The following PDE8B variants were observed in gnomAD, a reference collection of about 807,000 sequenced individuals.
The protein encoded by PDE8B is high affinity cAMP-specific and IBMX-insensitive 3',5'-cyclic phosphodiesterase 8B.
In PDE8B, 26 loss-of-function variants were observed where a neutral mutation model predicts 101.3. The observed-to-expected ratio is 0.26, with a 90% CI of 0.19 to 0.36. The LOEUF is 0.36. Among genes scored for constraint, PDE8B ranks in the 10% least tolerant of loss-of-function variants. PDE8B has a pLI of 1.00. For synonymous variants in PDE8B, 424 were observed against 429.3 expected (o/e 0.99, Z 0.15); for missense variants, 810 against 1,163.1 (o/e 0.70, Z 4.42).
chr5:77,129,762 G>A, the PDE8B span, among the ~76,000 whole-genome samples: 3 of 152,114 alleles, frequency 2.0e-5, no homozygotes, highest in Admixed American at 1.3e-4. Flanking sequence ...ACTAGCTCTG[G>A]CATTACTGTC....
rs534914962 is a variant in PDE8B, at chr5:77,306,090, G to T, written c.340-5904G>T. Among the ~76,000 whole-genome samples the T allele has an allele frequency of 2.0e-5, 3 of 152,062 alleles. No individual in the cohort carries two copies. The East Asian group carries it at 5.8e-4, about 29-fold the overall frequency. On this transcript the variant is annotated intron_variant, in intron 1 of 21. Coordinates refer to ENST00000264917, the MANE Select transcript of PDE8B (RefSeq NM_003719.5). ...CATACCCTTTTTCTTCTTGGTGCTG[G>T]GCCAGCCCTGTTAACAGACTACCAG... is the stretch of plus-strand genomic sequence containing the variant.
At chr5:77,210,090 T>G (rs1216579471), upstream of PDE8B, among the ~76,000 whole-genome samples, 1 of 152,148 alleles carries the variant, frequency 6.6e-6, no homozygotes, top group African/African-American at 2.4e-5. The surrounding 1 kb of genome is among the most constrained non-coding windows in gnomAD (Gnocchi z 4.9). Flanking sequence ...GCCTGGGCTG[T>G]AGGGCCCCTG....
At chr5:77,306,755 A>G (rs573282320) in intron 1 of PDE8B, among the ~76,000 whole-genome samples, 1 of 152,336 alleles carries the variant, frequency 6.6e-6, no homozygotes, top group Non-Finnish European at 1.5e-5. Context: ...CAGGTGAATT[A>G]ACCAACCTGA....
chr5:77,385,744 A>G (rs1415294018), intron 10 of PDE8B, among the ~76,000 whole-genome samples: 4 of 150,068 alleles, frequency 2.7e-5, no homozygotes, highest in Admixed American at 2.6e-4. Flanking sequence ...GTAGTCATTC[A>G]GGAGCAGGTT....
At chr5:77,401,946 C>T (rs777626608) in intron 11 of PDE8B, among the ~76,000 whole-genome samples, 2 of 152,212 alleles carry the variant, frequency 1.3e-5, no homozygotes, top group Admixed American at 6.5e-5. Context: ...TTCTAATGAA[C>T]GACTTAGAAT....
chr5:77,143,736 G>A, the PDE8B span: 1 of 152,122 alleles, frequency 6.6e-6, no homozygotes, highest in South Asian at 2.1e-4. Flanking sequence ...AATATTAGAG[G>A]AAATGAGTTT....
intron 1 of PDE8B, among the ~76,000 whole-genome samples, chr5:77,271,001 G>A (rs1762664468): frequency 2.6e-5 from 4 of 152,176 alleles, no homozygotes; most frequent in Admixed American, 2.0e-4. Flanking sequence ...CCCCATTTAT[G>A]GAATCCATGC....
rs1455923704 is a variant in PDE8B at position 77,357,308 on chromosome 5, G to A, written c.1167+3902G>A. 1.6e-4 allele frequency among the ~76,000 whole-genome samples: 25 copies of A among 152,108 alleles called. 1 individual carries two copies. The highest frequency in any genetic ancestry group is 1.6e-3 in the Admixed American group (25 of 15,264). On this transcript the variant is annotated intron_variant, in intron 10 of 21. Transcript: ENST00000264917. ...CCCTGCTTGTCTGGGCAGCAAAGTG[G>A]GGATGGCTTATTCTCAAAGAGACCA... is the stretch of plus-strand genomic sequence containing the variant.
At chr5:77,147,325 C>G in the PDE8B span, 15 of 181,746 alleles carry the variant, frequency 8.3e-5, no homozygotes, top group Non-Finnish European at 1.7e-4. Context: ...CTGAATGTGG[C>G]TTTAGATAGC....
chr5:77,101,699 G>A, the PDE8B span, among the ~76,000 whole-genome samples: 2 of 151,904 alleles, frequency 1.3e-5, no homozygotes, highest in African/African-American at 4.8e-5. Context: ...CATACATTTC[G>A]CCCATAAAGC....
the PDE8B span, among the ~76,000 whole-genome samples, chr5:77,197,424 T>C: frequency 6.6e-6 from 1 of 152,110 alleles, no homozygotes; most frequent in East Asian, 1.9e-4. Context: ...GCCCAGCTTT[T>C]TTGTTTATTG....
chr5:77,193,244 C>T, the PDE8B span, among the ~76,000 whole-genome samples: 2 of 152,008 alleles, frequency 1.3e-5, no homozygotes, highest in Admixed American at 6.5e-5. Context: ...AAATCTTTGC[C>T]TACCTCAATT....
At chr5:77,372,269 TTGA>T in intron 10 of PDE8B, among the ~76,000 whole-genome samples, 1 of 152,194 alleles carries the variant, frequency 6.6e-6, no homozygotes, top group Non-Finnish European at 1.5e-5. Context: ...GTGAACTTGC[TTGA>T]TGGATTTGTT....
chr5:77,146,632 T>G, the PDE8B span: 1 of 283,198 alleles, frequency 3.5e-6, no homozygotes, highest in Admixed American at 3.7e-5. Flanking sequence ...TTTGGCAAAC[T>G]TGTCAGGAGG....
chr5:77,272,663 G>C (rs998677471), intron 1 of PDE8B, among the ~76,000 whole-genome samples: 8 of 152,116 alleles, frequency 5.3e-5, no homozygotes, highest in African/African-American at 1.7e-4. Flanking sequence ...ATGGTACCTG[G>C]CACATAGTAA....
At chr5:77,205,211 C>T in the PDE8B span, among the ~76,000 whole-genome samples, 55 of 152,332 alleles carry the variant, frequency 3.6e-4, 1 homozygote, top group East Asian at 8.1e-3. Context: ...TCTCCTCCTA[C>T]ACATTCTCTG....
intron 2 of PDE8B, among the ~76,000 whole-genome samples, chr5:77,312,339 G>C (rs1344908309): frequency 6.6e-6 from 1 of 152,036 alleles, no homozygotes; most frequent in African/African-American, 2.4e-5. Flanking sequence ...CCTGACCTCA[G>C]GTGACCTGCC....
chr5:77,312,750 T>C (rs1772944975), intron 2 of PDE8B, among the ~76,000 whole-genome samples: 1 of 152,260 alleles, frequency 6.6e-6, no homozygotes, highest in Non-Finnish European at 1.5e-5. Flanking sequence ...CCTAGAACTT[T>C]CTCTGGCAGT....
At chr5:77,398,999 T>C (rs1581482491) in intron 10 of PDE8B, among the ~76,000 whole-genome samples, 1 of 152,326 alleles carries the variant, frequency 6.6e-6, no homozygotes, top group East Asian at 1.9e-4. Context: ...ATGAAACATC[T>C]AATAGGAACT....
Sources: gnomAD v4.1 joint callset for allele counts (sites outside exome capture counted in the v4.1 genomes callset) on GRCh38, gnomAD v4.1.1 for gene constraint, Gnocchi (gnomAD v3.1) non-coding constraint, MANE v1.5 for transcripts, NCBI Gene and HGNC (gene_info 2026-07-23, HGNC 2026-07-21) for gene names.